MTHFD1: variants seen among roughly 807,000 people sequenced by gnomAD.
MTHFD1 encodes methylenetetrahydrofolate dehydrogenase, cyclohydrolase and formyltetrahydrofolate synthetase 1, also known as C-1-tetrahydrofolate synthase, cytoplasmic.
A neutral mutation model predicts 110.3 loss-of-function variants in MTHFD1; 44 were observed. That is an observed-to-expected ratio of 0.40 (90% confidence interval 0.31 to 0.51). The LOEUF (loss-of-function observed/expected upper bound fraction) is 0.51, where lower values mean the gene tolerates loss of function less well. MTHFD1 is among the 20% of genes least tolerant of loss of function. The pLI, the probability that MTHFD1 is intolerant of heterozygous loss-of-function variation, is 0.60. For missense variants in MTHFD1, 909 were observed against 1,173.1 expected (o/e 0.77, Z 3.29); for synonymous variants, 402 against 428.8 (o/e 0.94, Z 0.77).
chr14:64,400,874 A>C lies in MTHFD1; in HGVS notation c.123A>C (p.Leu41Phe). Residue 41 changes from leucine to phenylalanine, a missense_variant, in exon 2 of 28, where the codon TTA (leucine) becomes TTC (phenylalanine). This residue lies in a region of MTHFD1 where 424 missense variants were observed against 510.4 expected (regional missense o/e 0.83). Coordinates refer to ENST00000652337, the MANE Select transcript of MTHFD1 (RefSeq NM_005956.4). The part of the protein sequence containing the change: ...VPGFTPRLAI[L>F]QVGNRDDSNL... The stretch of plus-strand genomic sequence containing the variant: ...GTTTCACACCACGCCTGGCAATATT[A>C]CAGGTATTATGATAGTGTATTTTCA... 1 of 1,600,332 alleles carries C rather than the reference A, an allele frequency of 6.2e-7. No homozygotes were observed. The highest frequency in any genetic ancestry group is 8.6e-7 in the Non-Finnish European group (1 of 1,167,910).
At chr14:64,456,967 T>C (rs751370473) in intron 26 of MTHFD1, among the ~76,000 whole-genome samples, 1 of 152,204 alleles carries the variant, frequency 6.6e-6, no homozygotes, top group Non-Finnish European at 1.5e-5. Context: ...CAGATAAAAA[T>C]ATACGGAGTT....
In MTHFD1 at chr14:64,424,684, A is replaced by G. The variant is rs944633981; in HGVS notation, c.728-120A>G. 9.4e-6 allele frequency: 10 copies of G among 1,058,718 alleles called. No homozygotes were observed. In the African/African-American group the frequency reaches 1.3e-4, roughly 13 times the overall value. 65.6% of individuals were successfully genotyped at this position (1,058,718 alleles called of 1,614,324 possible). ...CTGTCATTCCATAGCTTTTAAGTTAAGTAGGCACTGGAGCCTGATGGGACT... is the reference window on the plus strand; with the variant it reads ...CTGTCATTCCATAGCTTTTAAGTTAGGTAGGCACTGGAGCCTGATGGGACT... On this transcript the variant is annotated intron_variant, in intron 8 of 27. Transcript: ENST00000652337.
intron 4 of MTHFD1, among the ~76,000 whole-genome samples, chr14:64,412,771 G>A (rs1392671883): frequency 6.6e-6 from 1 of 151,066 alleles, no homozygotes; most frequent in African/African-American, 2.4e-5. Flanking sequence ...CCGAGTAGCT[G>A]GGATTACAGG....
At chr14:64,408,093 G>A (rs1336117725) in intron 2 of MTHFD1, among the ~76,000 whole-genome samples, 3 of 152,000 alleles carry the variant, frequency 2.0e-5, no homozygotes, top group Non-Finnish European at 4.4e-5. Flanking sequence ...TTTATAAAGA[G>A]TTAAAAAAGC....
rs1432118333 is a variant in MTHFD1 at position 64,459,860 on chromosome 14, C to T, written c.*106C>T. The T allele has an allele frequency of 6.5e-7, 1 of 1,536,074 alleles. No homozygotes were observed. The highest frequency in any genetic ancestry group is 2.4e-5 in the East Asian group (1 of 40,922). On this transcript the variant is annotated 3_prime_UTR_variant, in exon 28 of 28. Transcript: ENST00000652337. ...TAAGTAAGCCAAGAGAAGTCAGCCC[C>T]TGCCCAGAAGATCTGAAACTAATAG...
chr14:64,398,992 G>C (rs2077877592), intron 1 of MTHFD1, among the ~76,000 whole-genome samples: 1 of 152,214 alleles, frequency 6.6e-6, no homozygotes, highest in African/African-American at 2.4e-5. Flanking sequence ...TAAGGAGACT[G>C]CAGGAGGTTA....
In MTHFD1 at chr14:64,411,154, C is replaced by G; in HGVS notation, c.186+5C>G. On this transcript the variant is annotated splice_donor_5th_base_variant and intron_variant, in intron 3 of 27. Transcript: ENST00000652337. ...AAGCTGAAGGCTGCTGAAGAGGTAA[C>G]GCCAGAAGAGCTGTGCCATCACCCT... 6.2e-7 allele frequency: 1 copy of G among 1,610,858 alleles called. No homozygotes were observed. Among genetic ancestry groups the G allele is most frequent in the African/African-American group, 1.3e-5 (1 of 75,014 alleles).
intron 4 of MTHFD1, among the ~76,000 whole-genome samples, chr14:64,413,985 A>G (rs1298789981): frequency 6.6e-6 from 1 of 152,110 alleles, no homozygotes; most frequent in African/African-American, 2.4e-5. Flanking sequence ...ATGAGCCACC[A>G]TGCCCAGCTA....
At chr14:64,442,879 AGGGCTGCCCT>A (rs978011482) in intron 21 of MTHFD1, among the ~76,000 whole-genome samples, 1 of 152,080 alleles carries the variant, frequency 6.6e-6, no homozygotes, top group Non-Finnish European at 1.5e-5. Context: ...AGATCTGCCC[AGGGCTGCCCT>A]GGGTAACAGA....
At chr14:64,433,766 C>G (rs1177881833) in intron 15 of MTHFD1, among the ~76,000 whole-genome samples, 1 of 144,200 alleles carries the variant, frequency 6.9e-6, no homozygotes, top group Non-Finnish European at 1.5e-5. Flanking sequence ...CGTGGTGGCT[C>G]ATACCTGTAA....
chr14:64,424,256 T>G (rs560523147), intron 8 of MTHFD1: 12 of 172,792 alleles, frequency 6.9e-5, no homozygotes, highest in Non-Finnish European at 1.2e-4. Flanking sequence ...GTAAGATTTG[T>G]AGTTGTTCTT....
intron 26 of MTHFD1, chr14:64,455,127 C>T (rs938145761): frequency 1.3e-4 from 62 of 475,756 alleles, no homozygotes; most frequent in Non-Finnish European, 2.1e-4. Context: ...TTCTGTTTCC[C>T]AGGGACAGTA....
chr14:64,448,543 C>T, intron 23 of MTHFD1: 1 of 558,874 alleles, frequency 1.8e-6, no homozygotes, highest in Non-Finnish European at 3.2e-6. Context: ...TTTTCCTTTC[C>T]ACTGGGGGAA....
chr14:64,397,143 A>G (rs1350076300), intron 1 of MTHFD1, among the ~76,000 whole-genome samples: 1 of 1,284 alleles, frequency 7.8e-4, no homozygotes, highest in Non-Finnish European at 1.3e-3. Context: ...AAAAAAATAT[A>G]TATATATATA....
rs115328857 is a variant in MTHFD1 at position 64,455,488 on chromosome 14, G to T, written c.2718+613G>T. On this transcript the variant is annotated intron_variant, in intron 26 of 27. Coordinates refer to ENST00000652337, the MANE Select transcript of MTHFD1 (RefSeq NM_005956.4). ...ATATTGCCAGTTGGGAAGCAGAGGG[G>T]AGGGATGCTTAAGGACATAATCATA... is the stretch of plus-strand genomic sequence containing the variant. Among the ~76,000 whole-genome samples the T allele has an allele frequency of 1.2e-3, 179 of 152,304 alleles. 1 individual carries two copies. The highest frequency in any genetic ancestry group is 3.8e-3 in the African/African-American group (157 of 41,564).
Position 64,424,800 on chromosome 14 carries a change from C to A in MTHFD1, c.728-4C>A, listed in dbSNP as rs1179581485. The A allele has an allele frequency of 1.9e-6, 3 of 1,613,822 alleles. No homozygotes were observed. In the South Asian group the frequency reaches 3.3e-5, roughly 18 times the overall value. On this transcript the variant is annotated splice_region_variant and splice_polypyrimidine_tract_variant and intron_variant, in intron 8 of 27. Transcript: ENST00000652337. ...TAGTTTTGATTTCTCCCCCACTTGA[C>A]CAGATGATAAAAAACCAAATGGGAG...
At chr14:64,418,539 TCTTC>T (rs2078044206) in intron 7 of MTHFD1, among the ~76,000 whole-genome samples, 2 of 152,068 alleles carry the variant, frequency 1.3e-5, no homozygotes, top group South Asian at 4.1e-4. Flanking sequence ...GTACTTTCTC[TCTTC>T]CTTTTTCTTT....
At chr14:64,454,949 G>C (rs771168407) in intron 26 of MTHFD1, 74 bp downstream of exon 26, 5 of 1,494,420 alleles carry the variant, frequency 3.3e-6, no homozygotes, top group South Asian at 1.1e-5. Context: ...AAACCATCAA[G>C]CAAATGCCAA....
intron 24 of MTHFD1, 126 bp from the exon 25 acceptor site, chr14:64,453,628 G>A: frequency 1.4e-6 from 1 of 697,956 alleles, no homozygotes; most frequent in African/African-American, 1.8e-5. Context: ...ATTTGCTTAT[G>A]TATATGTATA....
Sources: allele counts gnomAD v4.1 joint callset (sites outside exome capture counted in the v4.1 genomes callset), GRCh38; gene constraint gnomAD v4.1.1; regional missense constraint gnomAD v4.1.1; transcripts MANE v1.5; gene names NCBI Gene and HGNC (gene_info 2026-07-23, HGNC 2026-07-21).